The following PCDHGB2 variants were observed in gnomAD, a reference collection of about 807,000 sequenced individuals.
PCDHGB2 encodes the protein protocadherin gamma subfamily B, 2.
A neutral mutation model predicts 59.3 loss-of-function variants in PCDHGB2; 55 were observed. That is an observed-to-expected ratio of 0.93 (90% confidence interval 0.75 to 1.16). The LOEUF (loss-of-function observed/expected upper bound fraction) is 1.16, where lower values mean the gene tolerates loss of function less well. Among genes scored for constraint, PCDHGB2 ranks in the 50% most tolerant of loss-of-function variants. The pLI, the probability that PCDHGB2 is intolerant of heterozygous loss-of-function variation, is 0.00. For missense variants in PCDHGB2, 1,228 were observed against 1,198.5 expected (o/e 1.02, Z -0.36); for synonymous variants, 516 against 512.0 (o/e 1.01, Z -0.11).
At chr5:141,374,701 C>T (rs781441820) in intron 1 of PCDHGB2, 2 of 1,608,962 alleles carry the variant, frequency 1.2e-6, no homozygotes, top group East Asian at 2.2e-5. Context: ...AAGGAGAAGC[C>T]GTTTACCGCC....
At chr5:141,365,006 A>G in intron 1 of PCDHGB2, 1 of 1,613,882 alleles carries the variant, frequency 6.2e-7, no homozygotes, top group Non-Finnish European at 8.5e-7. Flanking sequence ...CTCCGGCACC[A>G]CGCACATCCG....
In PCDHGB2 at chr5:141,360,411, A is replaced by G. The variant is rs528127616; in HGVS notation, c.276A>G (p.Arg92=). The G allele has an allele frequency of 1.4e-4, 229 of 1,614,036 alleles. 5 individuals carry two copies. In the South Asian group the frequency reaches 2.4e-3, roughly 17 times the overall value. The part of the protein sequence containing the change: ...GDLLVSDRID[R]EQICGKQPLC... The stretch of plus-strand genomic sequence containing the variant: ...TACTTGTGAGTGACAGAATAGACCG[A>G]GAACAGATATGCGGGAAGCAGCCTC... The change falls in exon 1 of 4, where the codon CGA becomes CGG. Residue 92 remains arginine, a synonymous_variant. Coordinates refer to ENST00000522605, the MANE Select transcript of PCDHGB2 (RefSeq NM_018923.3).
intron 1 of PCDHGB2, chr5:141,364,735 T>G (rs1763510715): frequency 1.2e-6 from 2 of 1,613,916 alleles, no homozygotes; most frequent in Non-Finnish European, 1.7e-6. Context: ...GTTTCCGGGA[T>G]GAAGAGTTAA....
intron 1 of PCDHGB2, chr5:141,364,631 C>T: frequency 6.2e-7 from 1 of 1,614,122 alleles, no homozygotes; most frequent in African/African-American, 1.3e-5. Flanking sequence ...TCAGAGCCCA[C>T]TGTGTGTGGT....
intron 1 of PCDHGB2, chr5:141,478,491 G>A: frequency 6.2e-7 from 1 of 1,613,152 alleles, no homozygotes; most frequent in Non-Finnish European, 8.5e-7. Flanking sequence ...CTGCGGAGCT[G>A]TGATCCGGTG....
At chr5:141,372,228 A>C (rs755305090) in intron 1 of PCDHGB2, 1 of 1,613,414 alleles carries the variant, frequency 6.2e-7, no homozygotes, top group Non-Finnish European at 8.5e-7. Context: ...TGTGCAGGCC[A>C]GCGAGCCCGG....
rs73265846 is a variant in PCDHGB2, at chr5:141,370,853, C to T, written c.2421+8297C>T. 1,195 of 1,614,040 alleles carry T rather than the reference C, an allele frequency of 7.4e-4. 6 individuals carry two copies. In the African/African-American group the frequency reaches 0.014, roughly 19 times the overall value. On this transcript the variant is annotated intron_variant, in intron 1 of 3. Coordinates refer to ENST00000522605, the MANE Select transcript of PCDHGB2 (RefSeq NM_018923.3). ...TGGCTCTCACTGGAGCCACATTTGC[C>T]CTGGAATCTGCGCAAGATCCTGATG...
intron 1 of PCDHGB2, chr5:141,415,740 G>GTTTTTTTTTTTTTTTTTTTTTTTTTTTTT (rs57426385): frequency 8.0e-6 from 5 of 625,030 alleles, no homozygotes; most frequent in African/African-American, 2.5e-5. Flanking sequence ...GTTTATTAAG[G>GTTTTTTTTTTTTTTTTTTTTTTTTTTTTT]TTTTTTTTTT....
intron 1 of PCDHGB2, chr5:141,418,445 T>C (rs2154547687): frequency 2.5e-6 from 4 of 1,614,038 alleles, no homozygotes; most frequent in East Asian, 2.2e-5. Context: ...AGAATTAGTA[T>C]TGCAGAAGAC....
intron 1 of PCDHGB2, chr5:141,403,625 A>G (rs2094436092): frequency 6.2e-7 from 1 of 1,613,818 alleles, no homozygotes; most frequent in African/African-American, 1.3e-5. Context: ...TCGCTCCAGC[A>G]CAGTGCGCAT....
chr5:141,365,327 G>C lies in PCDHGB2; in HGVS notation c.2421+2771G>C, dbSNP rs747026177. The C allele has an allele frequency of 1.1e-5, 17 of 1,613,880 alleles. No individual in the cohort carries two copies. The Admixed American group carries it at 2.8e-4, about 27-fold the overall frequency. On this transcript the variant is annotated intron_variant, in intron 1 of 3. Transcript: ENST00000522605. ...AGGCGCTCTTGTTGCCAGCGCTAAG[G>C]TGGTGGTCACAGTACAGGACGTGAA... is the stretch of plus-strand genomic sequence containing the variant.
chr5:141,437,388 C>T (rs1434464979), intron 1 of PCDHGB2, among the ~76,000 whole-genome samples: 1 of 152,186 alleles, frequency 6.6e-6, no homozygotes, highest in Non-Finnish European at 1.5e-5. Context: ...AGACATTCAT[C>T]CACTGCTTTC....
In PCDHGB2 at chr5:141,491,534, G is replaced by A. The variant is rs376996144; in HGVS notation, c.2422-3273G>A. On this transcript the variant is annotated intron_variant, in intron 1 of 3. Coordinates refer to ENST00000522605, the MANE Select transcript of PCDHGB2 (RefSeq NM_018923.3). This position sits in a 1 kb window ranked among gnomAD's most constrained non-coding sequence, Gnocchi z 6.9. The stretch of plus-strand genomic sequence containing the variant: ...CTCAAGTACATGGAGGTGACGCTGC[G>A]GCCCACAGACTCGCAGAGCCACTGC... The A allele has an allele frequency of 6.2e-7, 1 of 1,614,030 alleles. No homozygotes were observed. The highest frequency in any genetic ancestry group is 8.5e-7 in the Non-Finnish European group (1 of 1,180,028).
chr5:141,422,172 C>A, intron 1 of PCDHGB2: 2 of 1,564,780 alleles, frequency 1.3e-6, no homozygotes, highest in Non-Finnish European at 1.7e-6. Context: ...AATATAGATT[C>A]TATGAGATGG....
At chr5:141,510,682 GA>G (rs1303501817) in intron 3 of PCDHGB2, among the ~76,000 whole-genome samples, 6 of 152,154 alleles carry the variant, frequency 3.9e-5, no homozygotes, top group Non-Finnish European at 8.8e-5. Flanking sequence ...GTGGCATAAG[GA>G]GGTTAGGTAG....
chr5:141,373,925 G>A, intron 1 of PCDHGB2: 1 of 660,678 alleles, frequency 1.5e-6, no homozygotes, highest in Non-Finnish European at 2.3e-6. Context: ...CAAATTAGAC[G>A]GGAAAGCAGG....
Position 141,489,084 on chromosome 5 carries a change from C to T in PCDHGB2, c.2422-5723C>T, listed in dbSNP as rs1232276875. On this transcript the variant is annotated intron_variant, in intron 1 of 3. Transcript: ENST00000522605. This position sits in a 1 kb window ranked among gnomAD's most constrained non-coding sequence, Gnocchi z 4.5. ...CTCCCCCCTGCCCACCCCCGCCACTCGGTGACTAAGAACTGCTGCAAGCAG... is the reference window on the plus strand; with the variant it reads ...CTCCCCCCTGCCCACCCCCGCCACTTGGTGACTAAGAACTGCTGCAAGCAG... The T allele has an allele frequency of 1.5e-5, 5 of 329,072 alleles. No homozygotes were observed. Among genetic ancestry groups the T allele is most frequent in the South Asian group, 1.3e-4 (2 of 15,846 alleles). The allele number at this position is 329,072 out of a possible 1,614,324, so 20.4% of individuals were successfully genotyped here. A position where few individuals can be genotyped will look rare whatever the true frequency, so the allele number is the denominator to read the frequency against.
At chr5:141,374,961 G>C (rs1770983787) in intron 1 of PCDHGB2, 1 of 1,614,028 alleles carries the variant, frequency 6.2e-7, no homozygotes, top group Non-Finnish European at 8.5e-7. Flanking sequence ...CAAATTTTCT[G>C]TTTGAATGTT....
intron 1 of PCDHGB2, chr5:141,414,124 G>T (rs1214312992): frequency 6.3e-7 from 1 of 1,592,872 alleles, no homozygotes; most frequent in East Asian, 2.3e-5. Flanking sequence ...TGAAGAAACC[G>T]GTTTCTATGA....
Sources: allele counts gnomAD v4.1 joint callset (sites outside exome capture counted in the v4.1 genomes callset), GRCh38; gene constraint gnomAD v4.1.1; non-coding constraint Gnocchi (gnomAD v3.1); transcripts MANE v1.5; gene names NCBI Gene and HGNC (gene_info 2026-07-23, HGNC 2026-07-21).